Variants in STX8 observed in about 807,000 individuals in gnomAD.
The protein encoded by STX8 is syntaxin-8.
In STX8, 23 loss-of-function variants were observed where a neutral mutation model predicts 37.5. The observed-to-expected ratio is 0.61, with a 90% confidence interval of 0.44 to 0.87. The LOEUF (loss-of-function observed/expected upper bound fraction) is 0.87. STX8 is among the 40% of genes least tolerant of loss of function. The probability of loss-of-function intolerance (pLI) is 0.00; values close to 1 mark genes in which losing one functional copy is unlikely to be tolerated. For missense variants in STX8, 313 were observed against 284.7 expected, an observed-to-expected ratio of 1.10 and a Z score of -0.71; for synonymous variants, 115 against 99.1, an observed-to-expected ratio of 1.16 and a Z score of -0.95.
intron 7 of STX8, among the ~76,000 whole-genome samples, chr17:9,285,360 G>T (rs1377111821): frequency 6.6e-6 from 1 of 150,636 alleles, no homozygotes; most frequent in Non-Finnish European, 1.5e-5. Flanking sequence ...GCAGGTGTTG[G>T]ATATAAAACA....
chr17:9,267,503 G>C (rs527630307), intron 7 of STX8, among the ~76,000 whole-genome samples: 99 of 152,320 alleles, frequency 6.5e-4, no homozygotes, highest in African/African-American at 2.3e-3. Context: ...CACAGCACGA[G>C]TGAGACCTCT....
chr17:9,360,854 A>G (rs548474724), intron 7 of STX8, among the ~76,000 whole-genome samples: 63 of 152,254 alleles, frequency 4.1e-4, no homozygotes, highest in South Asian at 8.3e-4. Flanking sequence ...GTCACGGCTG[A>G]GCACCCAGCG....
rs80045805 is a variant in STX8, at chr17:9,272,024, C to T, written c.644-21379G>A. On this transcript the variant is annotated intron_variant, in intron 7 of 7. Coordinates refer to ENST00000306357, the MANE Select transcript of STX8 (RefSeq NM_004853.3). The stretch of plus-strand genomic sequence containing the variant: ...GACTGTCCCTGCTGATGATGCACCC[C>T]GAGAAGTGGAGCAGGCTGGGATGTG... Among the ~76,000 whole-genome samples, 20 of 152,256 alleles carry T rather than the reference C, an allele frequency of 1.3e-4. No homozygotes were observed. The East Asian group carries it at 3.5e-3, about 26-fold the overall frequency.
chr17:9,342,974 T>C (rs1462646715), intron 7 of STX8, among the ~76,000 whole-genome samples: 1 of 145,374 alleles, frequency 6.9e-6, no homozygotes, highest in Non-Finnish European at 1.5e-5. Flanking sequence ...TGAGCCAAGA[T>C]TGTGCCATTG....
At chr17:9,410,506 C>G (rs185496635) in intron 6 of STX8, among the ~76,000 whole-genome samples, 15 of 152,188 alleles carry the variant, frequency 9.9e-5, no homozygotes, top group African/African-American at 3.6e-4. Context: ...CAATCAGGCA[C>G]GCTCAGTTAC....
intron 7 of STX8, among the ~76,000 whole-genome samples, chr17:9,290,817 T>C (rs1337195527): frequency 1.3e-5 from 2 of 152,150 alleles, no homozygotes; most frequent in Non-Finnish European, 2.9e-5. Context: ...AAGGCACACA[T>C]TGCCACCCAG....
At chr17:9,396,900 T>A (rs1359622899) in intron 6 of STX8, among the ~76,000 whole-genome samples, 1 of 152,154 alleles carries the variant, frequency 6.6e-6, no homozygotes, top group Non-Finnish European at 1.5e-5. Context: ...TCAAACTGCA[T>A]TACAAATGTA....
At chr17:9,494,615 CAAAAAA>C (rs35806606) in intron 5 of STX8, among the ~76,000 whole-genome samples, 72 of 64,308 alleles carry the variant, frequency 1.1e-3, no homozygotes, top group South Asian at 3.3e-3. Flanking sequence ...GAACCTGTCT[CAAAAAA>C]AAAAAAAAAA....
intron 7 of STX8, among the ~76,000 whole-genome samples, chr17:9,344,894 T>G (rs1380592465): frequency 2.0e-5 from 3 of 152,208 alleles, no homozygotes; most frequent in Non-Finnish European, 4.4e-5. Context: ...CTTACATCCT[T>G]GGTCATAACT....
chr17:9,515,910 G>T (rs549110827), intron 4 of STX8, among the ~76,000 whole-genome samples: 1 of 152,042 alleles, frequency 6.6e-6, no homozygotes, highest in Non-Finnish European at 1.5e-5. Context: ...TCAATTTCAC[G>T]TACCTTCGAA....
intron 7 of STX8, among the ~76,000 whole-genome samples, chr17:9,352,744 C>T (rs376471959): frequency 1.8e-4 from 28 of 151,374 alleles, no homozygotes; most frequent in East Asian, 7.8e-4. Context: ...CCTCGTGATC[C>T]ACCCGCCTCG....
intron 7 of STX8, among the ~76,000 whole-genome samples, chr17:9,376,208 G>A (rs1400900067): frequency 6.6e-6 from 1 of 152,158 alleles, no homozygotes; most frequent in Non-Finnish European, 1.5e-5. Context: ...TCAGCGCTCT[G>A]TGTCTCGCTA....
At chr17:9,306,379 C>A (rs1908985997) in intron 7 of STX8, among the ~76,000 whole-genome samples, 1 of 152,038 alleles carries the variant, frequency 6.6e-6, no homozygotes, top group South Asian at 2.1e-4. Flanking sequence ...GTGGAGAAGA[C>A]AGGGAGCGGG....
At chr17:9,384,530 C>A (rs140735997) in intron 6 of STX8, among the ~76,000 whole-genome samples, 1 of 151,834 alleles carries the variant, frequency 6.6e-6, no homozygotes. Flanking sequence ...CCCAGCTACT[C>A]GGGAGGCTGA....
chr17:9,307,726 C>T (rs1909049175), intron 7 of STX8, among the ~76,000 whole-genome samples: 1 of 152,076 alleles, frequency 6.6e-6, no homozygotes, highest in African/African-American at 2.4e-5. Context: ...GTACTTTGAA[C>T]TGAGGGAGAC....
intron 6 of STX8, among the ~76,000 whole-genome samples, chr17:9,397,439 G>A (rs1165709862): frequency 6.6e-6 from 1 of 152,120 alleles, no homozygotes; most frequent in African/African-American, 2.4e-5. Flanking sequence ...GACATGAATA[G>A]CAGATAGTGG....
intron 6 of STX8, among the ~76,000 whole-genome samples, chr17:9,389,789 T>TA (rs1226038951): frequency 1.3e-5 from 2 of 152,284 alleles, no homozygotes; most frequent in East Asian, 1.9e-4. Context: ...ATAGTGAAGA[T>TA]AGAGTTTTTC....
chr17:9,312,331 A>C (rs767783208), intron 7 of STX8, among the ~76,000 whole-genome samples: 2 of 151,646 alleles, frequency 1.3e-5, no homozygotes, highest in Non-Finnish European at 2.9e-5. Context: ...CCTCCTGAGT[A>C]GCTGGGATTA....
chr17:9,536,999 T>C (rs905475299), intron 4 of STX8, among the ~76,000 whole-genome samples: 3 of 152,124 alleles, frequency 2.0e-5, no homozygotes, highest in Admixed American at 6.6e-5. Flanking sequence ...ACCCCCGCCC[T>C]GGCCTCCCAA....
Sources: allele counts gnomAD v4.1 joint callset (sites outside exome capture counted in the v4.1 genomes callset), GRCh38; gene constraint gnomAD v4.1.1; transcripts MANE v1.5; gene names NCBI Gene and HGNC (gene_info 2026-07-23, HGNC 2026-07-21).